Variants in TOM1 observed in about 807,000 individuals in gnomAD.
TOM1 encodes the protein target of Myb protein 1.
In TOM1, 38 loss-of-function variants were observed where a neutral mutation model predicts 61.3. The observed-to-expected ratio is 0.62, with a 90% CI of 0.48 to 0.81. The LOEUF is 0.81. TOM1 is among the 40% of genes least tolerant of loss of function. The pLI is 0.00. For missense variants in TOM1, 591 were observed against 659.6 expected (o/e 0.90, Z 1.14); for synonymous variants, 270 against 268.8 (o/e 1.00, Z -0.04).
At position 35,308,604 on chromosome 22, in the gene TOM1, C is replaced by T. The variant is rs890354069; in HGVS notation, c.52+8624C>T. Among the ~76,000 whole-genome samples, 4 of 151,962 alleles carry T rather than the reference C, an allele frequency of 2.6e-5. No individual in the cohort carries two copies. In the East Asian group the frequency reaches 7.7e-4, roughly 29 times the overall value. On this transcript the variant is annotated intron_variant, in intron 1 of 14. Transcript: ENST00000449058. ...GCCTAGTTCCTTTTCTCTAGAGATC[C>T]CTGACTAATACAAAGCCCACTCCAC...
At chr22:35,306,537 A>C (rs1010821355) in intron 1 of TOM1, among the ~76,000 whole-genome samples, 2 of 152,194 alleles carry the variant, frequency 1.3e-5, no homozygotes, top group Non-Finnish European at 1.5e-5. Context: ...GAATGGTCTG[A>C]GTCCTGGTTC....
intron 7 of TOM1, 137 bp downstream of exon 7, chr22:35,327,524 AG>A: frequency 1.5e-6 from 1 of 645,346 alleles, no homozygotes; most frequent in South Asian, 1.9e-5. Context: ...TGTTACCACC[AG>A]GGACTTTGGA....
chr22:35,323,369 G>T lies in TOM1; in HGVS notation c.367-127G>T. 7.2e-7 allele frequency: 1 copy of T among 1,394,534 alleles called. No individual in the cohort carries two copies. Among genetic ancestry groups the T allele is most frequent in the Non-Finnish European group, 9.8e-7 (1 of 1,023,580 alleles). The allele number at this position is 1,394,534 out of a possible 1,614,324, so 86.4% of individuals were successfully genotyped here. On this transcript the variant is annotated intron_variant, in intron 4 of 14. Coordinates refer to ENST00000449058, the MANE Select transcript of TOM1 (RefSeq NM_005488.3). This position sits in a 1 kb window ranked among gnomAD's most constrained non-coding sequence, Gnocchi z 4.2. ...AACTGCGTGCTTTGCTGTGGAGTGGGCAGGGCAGATGTAGTTAAAAAAAAA... is the reference window on the plus strand; with the variant it reads ...AACTGCGTGCTTTGCTGTGGAGTGGTCAGGGCAGATGTAGTTAAAAAAAAA...
intron 13 of TOM1, 142 bp downstream of exon 13, chr22:35,345,926 C>A: frequency 1.2e-6 from 1 of 842,604 alleles, no homozygotes; most frequent in Non-Finnish European, 1.9e-6. Context: ...CCATCTCCTG[C>A]CACCTGCCCA....
chr22:35,324,408 G>A (rs1371138640), intron 6 of TOM1, among the ~76,000 whole-genome samples: 1 of 77,760 alleles, frequency 1.3e-5, no homozygotes, highest in African/African-American at 6.7e-5. Flanking sequence ...AGAGAGACCT[G>A]TTTCAAAAAA....
chr22:35,345,564 C>G (rs1930433556), intron 12 of TOM1, 161 bp from the exon 13 acceptor site: 1 of 686,170 alleles, frequency 1.5e-6, no homozygotes, highest in Admixed American at 2.2e-5. Flanking sequence ...CCTCCATCAC[C>G]CACAGCCTGG....
rs1268383070 is a variant in TOM1 at position 35,323,940 on chromosome 22, TCAGGTCCA to T, written c.648+27_648+34del. The T allele has an allele frequency of 1.3e-6, 2 of 1,529,230 alleles. No homozygotes were observed. Among genetic ancestry groups the T allele is most frequent in the Non-Finnish European group, 1.8e-6 (2 of 1,135,976 alleles). The allele number at this position is 1,529,230 out of a possible 1,614,324, so 94.7% of individuals were successfully genotyped here. A position where few individuals can be genotyped will look rare whatever the true frequency, so the allele number is the denominator to read the frequency against. On this transcript the variant is annotated intron_variant, in intron 6 of 14. Coordinates refer to ENST00000449058, the MANE Select transcript of TOM1 (RefSeq NM_005488.3). This position sits in a 1 kb window ranked among gnomAD's most constrained non-coding sequence, Gnocchi z 4.2. The stretch of plus-strand genomic sequence containing the variant: ...GTAAACGAGCCTGGGGTCAGAACCG[TCAGGTCCA>T]GGCAGGTGGGCCACACACGTCAGGG...
chr22:35,306,530 T>C (rs964916975), intron 1 of TOM1, among the ~76,000 whole-genome samples: 2 of 152,180 alleles, frequency 1.3e-5, no homozygotes, highest in African/African-American at 4.8e-5. Context: ...TCAGACTGAA[T>C]GGTCTGAGTC....
intron 2 of TOM1, 103 bp downstream of exon 2, chr22:35,318,064 C>A: frequency 2.8e-6 from 3 of 1,052,934 alleles, no homozygotes; most frequent in Non-Finnish European, 3.0e-6. Flanking sequence ...CCCATTGCTG[C>A]CATAGCCACC....
At position 35,338,806 on chromosome 22, in the gene TOM1, C is replaced by A; in HGVS notation, c.1224+18C>A. ...CTGGCGCGGTAAGCAGAGGGGCCAT[C>A]CTGCCACCCTGGGGCCCTCCTGAAG... On this transcript the variant is annotated intron_variant, in intron 12 of 14. Transcript: ENST00000449058. The A allele has an allele frequency of 3.2e-6, 5 of 1,559,112 alleles. No individual in the cohort carries two copies. Among genetic ancestry groups the A allele is most frequent in the Non-Finnish European group, 4.3e-6 (5 of 1,155,642 alleles).
chr22:35,336,374 T>C (rs564036745), intron 11 of TOM1, among the ~76,000 whole-genome samples: 1 of 152,210 alleles, frequency 6.6e-6, no homozygotes, highest in Non-Finnish European at 1.5e-5. Context: ...CTCCTCCCTG[T>C]ACCTGCCTGG....
At chr22:35,326,424 A>G (rs952366598) in intron 6 of TOM1, among the ~76,000 whole-genome samples, 2 of 152,230 alleles carry the variant, frequency 1.3e-5, no homozygotes, top group Non-Finnish European at 1.5e-5. Context: ...CTGCAGCTTT[A>G]TTGAAAATGT....
intron 1 of TOM1, among the ~76,000 whole-genome samples, chr22:35,303,504 C>CTTTT (rs528560916): frequency 7.6e-6 from 1 of 131,608 alleles, no homozygotes; most frequent in Non-Finnish European, 1.6e-5. Context: ...TTTATTATTT[C>CTTTT]TTTTTTTTTT....
At chr22:35,300,895 A>T (rs1230079395) in intron 1 of TOM1, among the ~76,000 whole-genome samples, 1 of 104,878 alleles carries the variant, frequency 9.5e-6, no homozygotes, top group Non-Finnish European at 2.6e-5. Context: ...CCAGTGCCAT[A>T]TAAAAAAAAA....
chr22:35,325,134 G>C (rs1392716325), intron 6 of TOM1, among the ~76,000 whole-genome samples: 1 of 152,252 alleles, frequency 6.6e-6, no homozygotes, highest in African/African-American at 2.4e-5. Flanking sequence ...AGACACCCAC[G>C]TTAAAGGTGT....
Position 35,323,357 on chromosome 22 carries a change from G to T in TOM1, c.367-139G>T. 3 of 1,366,200 alleles carry T rather than the reference G, an allele frequency of 2.2e-6. No individual in the cohort carries two copies. Among genetic ancestry groups the T allele is most frequent in the Non-Finnish European group, 3.0e-6 (3 of 998,638 alleles). 84.6% of individuals were successfully genotyped at this position (1,366,200 alleles called of 1,614,324 possible). ...GGGAGGCTTGCCAACTGCGTGCTTT[G>T]CTGTGGAGTGGGCAGGGCAGATGTA... On this transcript the variant is annotated intron_variant, in intron 4 of 14. Transcript: ENST00000449058. This position sits in a 1 kb window ranked among gnomAD's most constrained non-coding sequence, Gnocchi z 4.2.
intron 12 of TOM1, among the ~76,000 whole-genome samples, chr22:35,341,536 C>G (rs1345377982): frequency 6.6e-6 from 1 of 152,136 alleles, no homozygotes; most frequent in Admixed American, 6.5e-5. Flanking sequence ...AACCAACACA[C>G]CGCGAGCCTG....
intron 2 of TOM1, among the ~76,000 whole-genome samples, chr22:35,320,893 G>GATCACTTGAGCCCAGGAGT (rs1357593116): frequency 6.7e-6 from 1 of 149,764 alleles, no homozygotes; most frequent in Admixed American, 6.8e-5. Context: ...GAGGCAGGAG[G>GATCACTTGAGCCCAGGAGT]ATCACTTGAG....
intron 1 of TOM1, among the ~76,000 whole-genome samples, chr22:35,316,071 C>G (rs1927253153): frequency 6.6e-6 from 1 of 152,286 alleles, no homozygotes; most frequent in Non-Finnish European, 1.5e-5. Context: ...ACACTCCTGA[C>G]AGATAATAGA....
Sources: allele counts gnomAD v4.1 joint callset (sites outside exome capture counted in the v4.1 genomes callset), GRCh38; gene constraint gnomAD v4.1.1; non-coding constraint Gnocchi (gnomAD v3.1); transcripts MANE v1.5; gene names NCBI Gene and HGNC (gene_info 2026-07-23, HGNC 2026-07-21).